The following COL6A6 variants were observed in gnomAD, a reference collection of about 807,000 sequenced individuals.
The protein encoded by COL6A6 is collagen type VI alpha 6 chain, also known as collagen alpha-6(VI) chain.
COL6A6 carries 183 observed loss-of-function variants against 208.6 expected under a neutral mutation model. The ratio of observed to expected loss-of-function variants is 0.88; its 90% CI spans 0.78 to 0.99. The LOEUF is 0.99. Ranked by LOEUF, COL6A6 falls within the 50% of genes least tolerant of loss-of-function variation. The pLI, the probability that COL6A6 is intolerant of heterozygous loss-of-function variation, is 0.00. For synonymous variants in COL6A6, 973 were observed against 1,011.8 expected, an observed-to-expected ratio of 0.96 and a Z score of 0.73; for missense variants, 2,816 against 2,815.2, an observed-to-expected ratio of 1.00 and a Z score of -0.01.
At position 130,565,356 on chromosome 3, in the gene COL6A6, C is replaced by T. The variant is rs375636488; in HGVS notation, c.1024C>T (p.Arg342Ter). Residue 342 changes from arginine (R) to a stop codon, truncating the protein, a stop_gained, in exon 4 of 37, where the codon CGA becomes TGA. Transcript: ENST00000358511. LOFTEE classifies it high-confidence loss of function. ...VPQIAVLVTHRDSEDNVTKAA... is the reference protein window; with the variant it reads ...VPQIAVLVTH ...CCAGATTGCCGTGCTGGTGACCCACCGAGATTCAGAAGACAACGTGACAAA... is the reference window on the plus strand; with the variant it reads ...CCAGATTGCCGTGCTGGTGACCCACTGAGATTCAGAAGACAACGTGACAAA... The T allele has an allele frequency of 4.7e-5, 76 of 1,613,818 alleles. No individual in the cohort carries two copies. Among genetic ancestry groups the T allele is most frequent in the African/African-American group, 1.1e-4 (8 of 74,914 alleles).
intron 36 of COL6A6, among the ~76,000 whole-genome samples, chr3:130,674,590 T>A (rs1256490434): frequency 6.6e-6 from 1 of 152,180 alleles, no homozygotes; most frequent in Non-Finnish European, 1.5e-5. Flanking sequence ...GATGGACCTA[T>A]GGAAGAAAGG....
intron 8 of COL6A6, among the ~76,000 whole-genome samples, chr3:130,580,525 G>T (rs2063395123): frequency 6.6e-6 from 1 of 152,192 alleles, no homozygotes; most frequent in Admixed American, 6.5e-5. Context: ...GTGTGTCTGG[G>T]AAGTAGTTAA....
rs2062968950 is a variant in COL6A6, at chr3:130,564,477, C to T, written c.662-517C>T. On this transcript the variant is annotated intron_variant, in intron 3 of 36. Transcript: ENST00000358511. ...CCCTGATTAAATCAGTTTGAATGAG[C>T]TGATATATATACTTACCTATTGATA... Among the ~76,000 whole-genome samples the T allele has an allele frequency of 2.6e-5, 4 of 152,178 alleles. No homozygotes were observed. The South Asian group carries it at 8.3e-4, about 31-fold the overall frequency.
chr3:130,535,330 T>C lies in COL6A6; in HGVS notation c.-32+17933T>C, dbSNP rs1033080664. The stretch of plus-strand genomic sequence containing the variant: ...TATTTTCCATGGATAGATATTTTTA[T>C]GGTTGTTTTTCAAATTCATACCTCA... On this transcript the variant is annotated intron_variant, in intron 1 of 36. Coordinates refer to ENST00000358511, the MANE Select transcript of COL6A6 (RefSeq NM_001102608.3). Among the ~76,000 whole-genome samples the C allele has an allele frequency of 7.9e-5, 12 of 152,358 alleles. 1 individual carries two copies. In the East Asian group the frequency reaches 1.2e-3, roughly 15 times the overall value.
chr3:130,562,785 A>G (rs556149240), intron 2 of COL6A6, among the ~76,000 whole-genome samples: 22 of 152,288 alleles, frequency 1.4e-4, no homozygotes, highest in African/African-American at 5.1e-4. Context: ...TTATTTTTCC[A>G]GTCACTATTG....
At chr3:130,535,648 A>G (rs1508516) in intron 1 of COL6A6, among the ~76,000 whole-genome samples, 121,615 of 152,020 alleles carry the variant, frequency 0.8, 49,381 homozygotes, top group Non-Finnish European at 0.87. Context: ...AAATGCCCCT[A>G]AAGAGTTTTG....
At chr3:130,551,310 T>C (rs1182725400) in intron 1 of COL6A6, among the ~76,000 whole-genome samples, 1 of 152,206 alleles carries the variant, frequency 6.6e-6, no homozygotes, top group East Asian at 1.9e-4. Context: ...GTGCATTTTT[T>C]GGTTGGTAGG....
At position 130,598,380 on chromosome 3, in the gene COL6A6, G is replaced by C. The variant is rs865923644; in HGVS notation, c.4549G>C (p.Asp1517His). ...LRGDPGAPGV[D>H]SSIEGPTGLK... ...CTATTTTTAGGGAGCTCCTGGAGTT[G>C]ACAGTAGCATAGAAGGACCCACAGG... Residue 1517 changes from aspartate (D) to histidine (H), a missense_variant, in exon 19 of 37, where the codon GAC becomes CAC. Physicochemically the swap from Asp to His is moderately conservative, Grantham distance 81. Transcript: ENST00000358511. 13 of 1,548,676 alleles carry C rather than the reference G, an allele frequency of 8.4e-6. No homozygotes were observed. The highest frequency in any genetic ancestry group is 1.7e-4 in the Middle Eastern group (1 of 5,986).
chr3:130,604,027 C>A (rs920270583), intron 20 of COL6A6, among the ~76,000 whole-genome samples: 2 of 152,182 alleles, frequency 1.3e-5, no homozygotes, highest in African/African-American at 4.8e-5. Context: ...TGTTATCAGA[C>A]ATTTGCAAGT....
In COL6A6 at chr3:130,638,909, C is replaced by T. The variant is rs1051657507; in HGVS notation, c.5092-2743C>T. 2.2e-4 allele frequency among the ~76,000 whole-genome samples: 33 copies of T among 152,056 alleles called. 1 individual carries two copies. The highest frequency in any genetic ancestry group is 7.4e-5 in the Non-Finnish European group (5 of 68,014). On this transcript the variant is annotated intron_variant, in intron 28 of 36. Transcript: ENST00000358511. ...TTTCCTGGGTTTTATGAGTTGATGT[C>T]CATTTTTATCCATTTTCCTGGGCAT...
chr3:130,563,313 T>A lies in COL6A6; in HGVS notation c.310T>A (p.Ser104Thr), dbSNP rs760270468. 6.2e-7 allele frequency: 1 copy of A among 1,611,320 alleles called. No homozygotes were observed. The highest frequency in any genetic ancestry group is 1.7e-5 in the Admixed American group (1 of 59,676). The change falls in exon 3 of 37, where the codon TCC becomes ACC. Residue 104 changes from serine to threonine, a missense_variant. Coordinates refer to ENST00000358511, the MANE Select transcript of COL6A6 (RefSeq NM_001102608.3). The stretch of plus-strand genomic sequence containing the variant: ...GAAGAACTTTGGATTCATTGGCGGG[T>A]CCCTGCAGATAGGAAAGGCTCTTCA... The part of the protein sequence containing the change: ...LRKNFGFIGG[S>T]LQIGKALQEA...
At chr3:130,587,581 C>G (rs932579722) in intron 11 of COL6A6, among the ~76,000 whole-genome samples, 13 of 152,244 alleles carry the variant, frequency 8.5e-5, no homozygotes, top group African/African-American at 3.1e-4. Flanking sequence ...AATTCAAACT[C>G]AAGTGGTAAA....
At chr3:130,543,267 T>G (rs1475024774) in intron 1 of COL6A6, among the ~76,000 whole-genome samples, 7 of 152,164 alleles carry the variant, frequency 4.6e-5, no homozygotes, top group African/African-American at 4.8e-5. Context: ...GAACATATAG[T>G]GAGATTTTGT....
chr3:130,586,057 C>T (rs570350429), intron 10 of COL6A6, among the ~76,000 whole-genome samples: 106 of 152,316 alleles, frequency 7.0e-4, no homozygotes, highest in African/African-American at 1.6e-3. Context: ...CAGGCTTAAG[C>T]GATCCTCCCA....
chr3:130,565,096 G>T lies in COL6A6; in HGVS notation c.764G>T (p.Ser255Ile). Residue 255 changes from serine to isoleucine, a missense_variant, in exon 4 of 37, where the codon AGT becomes ATT. By Grantham distance (142) the Ser-to-Ile change is moderately radical (BLOSUM62 -2). Coordinates refer to ENST00000358511, the MANE Select transcript of COL6A6 (RefSeq NM_001102608.3). ...TATCTTAAAGGATTCTTGGAAGAAA[G>T]TGTATCTGCCCTTGACATAAAGGAA... is the stretch of plus-strand genomic sequence containing the variant. ...FDYLKGFLEE[S>I]VSALDIKENC... The T allele has an allele frequency of 6.2e-7, 1 of 1,614,054 alleles. No individual in the cohort carries two copies. The highest frequency in any genetic ancestry group is 1.3e-5 in the African/African-American group (1 of 75,064).
At chr3:130,551,495 G>C (rs548084190) in intron 1 of COL6A6, among the ~76,000 whole-genome samples, 2 of 152,112 alleles carry the variant, frequency 1.3e-5, no homozygotes, top group Admixed American at 6.5e-5. Context: ...ATTTCTATGG[G>C]GTTAGTGGTA....
In COL6A6 at chr3:130,661,872, C is replaced by T; in HGVS notation, c.6066C>T (p.Pro2022=). The change falls in exon 35 of 37, where the codon CCC becomes CCT. Residue 2022 remains proline (P), a synonymous_variant. Coordinates refer to ENST00000358511, the MANE Select transcript of COL6A6 (RefSeq NM_001102608.3). ...LLSHAPPDFL[P]NTQKSPVRAE... Reference sequence around the variant, plus strand: ...GCCATGCTCCCCCCGACTTCCTACCCAACACTCAGAAGAGTCCAGTTAGAG... The same window carrying T: ...GCCATGCTCCCCCCGACTTCCTACCTAACACTCAGAAGAGTCCAGTTAGAG... 1.9e-5 allele frequency: 31 copies of T among 1,613,966 alleles called. No individual in the cohort carries two copies. The highest frequency in any genetic ancestry group is 2.6e-5 in the Non-Finnish European group (31 of 1,179,870).
At chr3:130,586,411 A>C (rs1023635557) in intron 10 of COL6A6, 95 bp from the exon 11 acceptor site, 6 of 1,083,992 alleles carry the variant, frequency 5.5e-6, no homozygotes, top group Non-Finnish European at 8.0e-6. Context: ...TTCTTCTTGC[A>C]GCTGTTCACT....
At chr3:130,531,854 A>T (rs1205313914) in intron 1 of COL6A6, among the ~76,000 whole-genome samples, 1 of 152,222 alleles carries the variant, frequency 6.6e-6, no homozygotes, top group Non-Finnish European at 1.5e-5. Context: ...TCTACCTCAT[A>T]GAGTGGTTAT....
Sources: gnomAD v4.1 joint callset for allele counts (sites outside exome capture counted in the v4.1 genomes callset) on GRCh38, gnomAD v4.1.1 for gene constraint, MANE v1.5 for transcripts, NCBI Gene and HGNC (gene_info 2026-07-23, HGNC 2026-07-21) for gene names.